JAG2: variants seen among roughly 807,000 people sequenced by gnomAD.
JAG2 encodes the protein jagged canonical Notch ligand 2.
JAG2 carries 46 observed loss-of-function variants against 141.7 expected under a neutral mutation model. The observed-to-expected ratio is 0.32, with a 90% confidence interval of 0.26 to 0.42. The LOEUF is 0.42. JAG2 is among the 10% of genes least tolerant of loss of function. The pLI is 1.00. For missense variants in JAG2, 1,500 were observed against 1,817.5 expected (o/e 0.83, Z 3.18); for synonymous variants, 862 against 763.5 (o/e 1.13, Z -2.13).
Position 105,148,241 on chromosome 14 carries a change from T to C in JAG2, c.2135-12A>G. ...GCACTGGAACTCGCCTGTTGGCACA[T>C]GGGCCGCTCAGCAGGCAGGCCCCAG... On this transcript the variant is annotated splice_polypyrimidine_tract_variant and intron_variant, in intron 16 of 25. Coordinates refer to ENST00000331782, the MANE Select transcript of JAG2 (RefSeq NM_002226.5). 1.9e-6 allele frequency: 3 copies of C among 1,565,694 alleles called. No homozygotes were observed. The highest frequency in any genetic ancestry group is 2.6e-6 in the Non-Finnish European group (3 of 1,155,484).
Position 105,154,928 on chromosome 14 carries a change from C to T in JAG2, c.788+634G>A, listed in dbSNP as rs1043268987. On this transcript the variant is annotated intron_variant, in intron 5 of 25. Transcript: ENST00000331782. The surrounding 1 kb of genome is among the most constrained non-coding windows in gnomAD (Gnocchi z 4.4). Reference sequence around the variant, plus strand: ...TCCATCCACAAACCCCTGGGCTCCACCCCAGGATGTCTGCAGGACCCGTGC... The same window carrying T: ...TCCATCCACAAACCCCTGGGCTCCATCCCAGGATGTCTGCAGGACCCGTGC... 6.6e-6 allele frequency among the ~76,000 whole-genome samples: 1 copy of T among 151,616 alleles called. No individual in the cohort carries two copies. The highest frequency in any genetic ancestry group is 1.5e-5 in the Non-Finnish European group (1 of 67,912).
In JAG2 at chr14:105,146,401, C is replaced by T. The variant is rs754481519; in HGVS notation, c.2693G>A (p.Arg898His). The T allele has an allele frequency of 1.5e-5, 24 of 1,612,434 alleles. No homozygotes were observed. Among genetic ancestry groups the T allele is most frequent in the Middle Eastern group, 1.7e-4 (1 of 6,056 alleles). Residue 898 changes from arginine to histidine, a missense_variant, in exon 22 of 26, where the codon CGC becomes CAC. This residue lies in a region of JAG2 where 875 missense variants were observed against 1,202.2 expected (regional missense o/e 0.73). Transcript: ENST00000331782. ...TGCCCTCACCTTGCTGCAGTCACGG[C>T]GGCCATCCAGGCAGCGGCAGCTGTT... ...DCNSCRCLDGRRDCSKVWCGW... is the reference protein window; with the variant it reads ...DCNSCRCLDGHRDCSKVWCGW...
At chr14:105,164,714 G>A (rs964405345) in intron 2 of JAG2, among the ~76,000 whole-genome samples, 2 of 152,196 alleles carry the variant, frequency 1.3e-5, no homozygotes, top group African/African-American at 4.8e-5. Flanking sequence ...GGAGAGGGTA[G>A]GGAAGGCTGG....
In JAG2 at chr14:105,145,932, G is replaced by A. The variant is rs778330799; in HGVS notation, c.2751C>T (p.Pro917=). 5.6e-5 allele frequency: 88 copies of A among 1,580,236 alleles called. No individual in the cohort carries two copies. The highest frequency in any genetic ancestry group is 1.7e-4 in the Middle Eastern group (1 of 6,034). Residue 917 remains proline, a synonymous_variant, in exon 23 of 26, where the codon CCC becomes CCT. Transcript: ENST00000331782. ...GWKPCLLAGQ[P]EALSAQCPLG... ...GTGGGCACTGGGCGCTCAGGGCCTC[G>A]GGCTGGCCGGCCAGCAGACAAGGCT...
rs369123344 is a variant in JAG2 at position 105,147,278 on chromosome 14, G to A, written c.2479+48C>T. The A allele has an allele frequency of 3.5e-5, 51 of 1,455,706 alleles. No individual in the cohort carries two copies. The Middle Eastern group carries it at 7.2e-4, about 20-fold the overall frequency. The allele number at this position is 1,455,706 out of a possible 1,614,324, so 90.2% of individuals were successfully genotyped here. A position where few individuals can be genotyped will look rare whatever the true frequency, so the allele number is the denominator to read the frequency against. On this transcript the variant is annotated intron_variant, in intron 20 of 25. Transcript: ENST00000331782. ...TTGATGTCCCCAGACTCCTGACACCGCGGCTGGGCTGAGGGGCTCCCAGGG... is the reference window on the plus strand; with the variant it reads ...TTGATGTCCCCAGACTCCTGACACCACGGCTGGGCTGAGGGGCTCCCAGGG...
At chr14:105,145,087 G>A (rs587769138) in intron 23 of JAG2, 26 bp from the exon 24 acceptor site, 3 of 1,607,842 alleles carry the variant, frequency 1.9e-6, no homozygotes, top group African/African-American at 1.3e-5. Context: ...CAGTGCGTGG[G>A]CAGGGCAGGG....
intron 22 of JAG2, among the ~76,000 whole-genome samples, 164 bp downstream of exon 22, chr14:105,146,221 G>C (rs372891102): frequency 6.6e-6 from 1 of 152,172 alleles, no homozygotes; most frequent in Non-Finnish European, 1.5e-5. Context: ...ACTGCACATC[G>C]AAGCATGGGG....
rs1449685151 is a variant in JAG2, at chr14:105,149,240, G to A, written c.1683C>T (p.Ala561=). 2 of 1,612,400 alleles carry A rather than the reference G, an allele frequency of 1.2e-6. No homozygotes were observed. Among genetic ancestry groups the A allele is most frequent in the African/African-American group, 1.3e-5 (1 of 74,906 alleles). ...CYNLEGDYYC[A]CPDDFGGKNC... is the part of the protein sequence containing the mutation. Reference sequence around the variant, plus strand: ...TCTTGCCACCAAAGTCATCAGGGCAGGCGCAGTAATAGTCACCCTCCAGGT... The same window carrying A: ...TCTTGCCACCAAAGTCATCAGGGCAAGCGCAGTAATAGTCACCCTCCAGGT... Residue 561 remains alanine, a synonymous_variant, in exon 13 of 26, where the codon GCC becomes GCT. Coordinates refer to ENST00000331782, the MANE Select transcript of JAG2 (RefSeq NM_002226.5).
intron 2 of JAG2, among the ~76,000 whole-genome samples, chr14:105,159,010 T>G (rs1370126674): frequency 6.6e-6 from 1 of 151,704 alleles, no homozygotes; most frequent in Non-Finnish European, 1.5e-5. Flanking sequence ...CTCGGCCTCA[T>G]CCAGCTAAGG....
At chr14:105,151,916 G>C (rs1198513401) in intron 7 of JAG2, 22 bp downstream of exon 7, 2 of 1,612,510 alleles carry the variant, frequency 1.2e-6, no homozygotes. Flanking sequence ...GCCAGAATTT[G>C]GGTGGCCAGC....
Position 105,168,387 on chromosome 14 carries a change from G to A in JAG2, c.34C>T (p.Arg12Trp). 3 of 1,015,592 alleles carry A rather than the reference G, an allele frequency of 3.0e-6. No homozygotes were observed. The highest frequency in any genetic ancestry group is 3.6e-6 in the Non-Finnish European group (3 of 827,400). The allele number at this position is 1,015,592 out of a possible 1,614,324, so 62.9% of individuals were successfully genotyped here. ...RAQGRGRLPR[R>W]LLLLLALWVQ... ...CAGAGCGCCAGCAGCAGCAGCAGCCGCCGGGGAAGGCGCCCCCGGCCCTGC... is the reference window on the plus strand; with the variant it reads ...CAGAGCGCCAGCAGCAGCAGCAGCCACCGGGGAAGGCGCCCCCGGCCCTGC... The change falls in exon 1 of 26, where the codon CGG (arginine) becomes TGG (tryptophan). Residue 12 changes from arginine to tryptophan, a missense_variant. Transcript: ENST00000331782.
chr14:105,143,063 G>A lies in JAG2; in HGVS notation c.3349C>T (p.Arg1117Trp), dbSNP rs34728766. ...TTGGCGCTCTCCTCCCGCGGCAGCC[G>A]GCTCCTCTCCCGCTCTTTCCTGCGC... ...RKRRKERERS[R>W]LPREESANNQ... Residue 1117 changes from arginine (R) to tryptophan (W), a missense_variant, in exon 26 of 26, where the codon CGG becomes TGG. By Grantham distance (101) the Arg-to-Trp change is moderately radical. Transcript: ENST00000331782. The A allele has an allele frequency of 7.8e-3, 12,455 of 1,601,990 alleles. 84 individuals carry two copies. Among genetic ancestry groups the A allele is most frequent in the Middle Eastern group, 9.9e-3 (60 of 6,056 alleles).
intron 25 of JAG2, 59 bp downstream of exon 25, chr14:105,143,423 T>C (rs1187579841): frequency 9.2e-6 from 14 of 1,523,926 alleles, no homozygotes; most frequent in Non-Finnish European, 1.1e-5. Context: ...GCCGGCTCTG[T>C]GCCCAATGCC....
intron 20 of JAG2, 166 bp downstream of exon 20, chr14:105,147,160 A>C: frequency 4.5e-6 from 3 of 672,748 alleles, no homozygotes; most frequent in Non-Finnish European, 8.0e-6. Flanking sequence ...ATACAGCAGG[A>C]ACCCCACAGG....
Position 105,161,507 on chromosome 14 carries a change from C to G in JAG2, c.418-3744G>C, listed in dbSNP as rs370092824. The stretch of plus-strand genomic sequence containing the variant: ...AGATTACTGCCACCTTCGCCTGAGC[C>G]CAGGGCTCCGGTTACCTGCTCCCGC... On this transcript the variant is annotated intron_variant, in intron 2 of 25. Transcript: ENST00000331782. Among the ~76,000 whole-genome samples, 47 of 152,312 alleles carry G rather than the reference C, an allele frequency of 3.1e-4. 2 individuals carry two copies. The East Asian group carries it at 6.4e-3, about 21-fold the overall frequency.
chr14:105,164,657 G>A lies in JAG2; in HGVS notation c.417+3100C>T, dbSNP rs193171321. ...CCCACCTTGAGCCCTAGGGCGGCTG[G>A]ATGCAGGGGGTGGGCTCTGTAAAAA... On this transcript the variant is annotated intron_variant, in intron 2 of 25. Transcript: ENST00000331782. Among the ~76,000 whole-genome samples, 242 of 152,268 alleles carry A rather than the reference G, an allele frequency of 1.6e-3. 2 individuals carry two copies. Among genetic ancestry groups the A allele is most frequent in the Non-Finnish European group, 4.0e-4 (27 of 67,992 alleles).
intron 3 of JAG2, among the ~76,000 whole-genome samples, chr14:105,157,425 C>G (rs958928629): frequency 1.3e-5 from 2 of 152,122 alleles, no homozygotes; most frequent in Non-Finnish European, 2.9e-5. Context: ...GAGACACACT[C>G]AAGGGTGTCC....
chr14:105,145,662 CTTTCGCCAT>C (rs1888198626), intron 23 of JAG2, 60 bp downstream of exon 23: 3 of 1,541,802 alleles, frequency 1.9e-6, no homozygotes, highest in Non-Finnish European at 2.6e-6. Context: ...CGGGGCTAGG[CTTTCGCCAT>C]GCCACGAGCA....
intron 5 of JAG2, among the ~76,000 whole-genome samples, chr14:105,152,515 C>T (rs587701448): frequency 5.3e-5 from 8 of 152,302 alleles, no homozygotes; most frequent in South Asian, 4.1e-4. Flanking sequence ...CCAGCTGTCC[C>T]GTCACTCCTC....
Sources: allele counts gnomAD v4.1 joint callset (sites outside exome capture counted in the v4.1 genomes callset), GRCh38; gene constraint gnomAD v4.1.1; regional missense constraint gnomAD v4.1.1; non-coding constraint Gnocchi (gnomAD v3.1); transcripts MANE v1.5; gene names NCBI Gene and HGNC (gene_info 2026-07-23, HGNC 2026-07-21).